The following TRPM3 variants were observed in gnomAD, a reference collection of about 807,000 sequenced individuals.
TRPM3 encodes long transient receptor potential channel 3.
In TRPM3, 77 loss-of-function variants were observed where a neutral mutation model predicts 181.2. That is an observed-to-expected ratio of 0.42 (90% confidence interval 0.35 to 0.51). TRPM3 has a LOEUF of 0.51. Ranked by LOEUF, TRPM3 falls within the 20% of genes least tolerant of loss-of-function variation. The pLI, the probability that TRPM3 is intolerant of heterozygous loss-of-function variation, is 0.01. For missense variants in TRPM3, 1,759 were observed against 2,196.7 expected (o/e 0.80, Z 3.98); for synonymous variants, 745 against 796.4 (o/e 0.94, Z 1.09).
intron 1 of TRPM3, chr9:70,917,382 T>G (rs998239189): frequency 2.1e-6 from 2 of 934,266 alleles, no homozygotes; most frequent in Non-Finnish European, 3.6e-6. Context: ...TCAACCACTC[T>G]CTTCCAAGAG....
intron 9 of TRPM3, among the ~76,000 whole-genome samples, chr9:70,661,259 C>T (rs2061094278): frequency 6.6e-6 from 1 of 151,832 alleles, no homozygotes; most frequent in East Asian, 1.9e-4. Context: ...AAAAAACCCT[C>T]AACAAAACAG....
At chr9:70,837,493 A>C (rs1337352421) in intron 5 of TRPM3, among the ~76,000 whole-genome samples, 2 of 152,216 alleles carry the variant, frequency 1.3e-5, no homozygotes, top group African/African-American at 2.4e-5. Context: ...CTCAAGTTAA[A>C]ATGGAAAGTG....
chr9:70,797,779 C>G (rs903894761), intron 6 of TRPM3, among the ~76,000 whole-genome samples: 3 of 152,176 alleles, frequency 2.0e-5, no homozygotes, highest in Non-Finnish European at 4.4e-5. Context: ...TCTGCTTCTT[C>G]TTGGCATCTG....
chr9:71,210,957 C>A (rs914738414), intron 1 of TRPM3, among the ~76,000 whole-genome samples: 1 of 152,188 alleles, frequency 6.6e-6, no homozygotes, highest in Non-Finnish European at 1.5e-5. Flanking sequence ...AGGGAACCAG[C>A]TCAATTGGAT....
At chr9:70,923,938 A>G (rs1310442825) in intron 1 of TRPM3, among the ~76,000 whole-genome samples, 1 of 143,750 alleles carries the variant, frequency 7.0e-6, no homozygotes, top group Non-Finnish European at 1.5e-5. Flanking sequence ...ACATATATAC[A>G]TATATATATA....
At position 70,616,492 on chromosome 9, in the gene TRPM3, C is replaced by T. The variant is rs114672317; in HGVS notation, c.2359-417G>A. The stretch of plus-strand genomic sequence containing the variant: ...CTTGATTTTGACTGTGAAATCAATT[C>T]ATACATCTGTCCACTGGCATTTTTT... On this transcript the variant is annotated intron_variant, in intron 17 of 25. Transcript: ENST00000677713. Among the ~76,000 whole-genome samples, 1,103 of 136,092 alleles carry T rather than the reference C, an allele frequency of 8.1e-3. 12 individuals are homozygous for T. The highest frequency in any genetic ancestry group is 0.029 in the African/African-American group (1,048 of 36,536). The allele number at this position is 136,092 out of a possible 152,430, so 89.3% of individuals were successfully genotyped here.
chr9:70,551,863 G>C (rs1289426852), intron 24 of TRPM3, among the ~76,000 whole-genome samples: 1 of 152,196 alleles, frequency 6.6e-6, no homozygotes, highest in African/African-American at 2.4e-5. Context: ...TTGTGTTTCA[G>C]ATGGAAGCAG....
At chr9:70,633,607 T>G (rs11142521) in intron 12 of TRPM3, among the ~76,000 whole-genome samples, 42,723 of 152,060 alleles carry the variant, frequency 0.28, 6,600 homozygotes, top group East Asian at 0.63. Context: ...AGATTTTGAT[T>G]TTCTGTGTGT....
intron 1 of TRPM3, among the ~76,000 whole-genome samples, chr9:70,959,842 A>G (rs2097119780): frequency 6.6e-6 from 1 of 152,188 alleles, no homozygotes; most frequent in South Asian, 2.1e-4. Flanking sequence ...CCATTTCACA[A>G]AACACACACT....
intron 1 of TRPM3, among the ~76,000 whole-genome samples, chr9:71,160,657 C>T (rs144689695): frequency 6.6e-6 from 1 of 152,284 alleles, no homozygotes; most frequent in East Asian, 1.9e-4. Flanking sequence ...GTGAGGCCTT[C>T]CTAGATTCCA....
At chr9:71,242,138 A>C (rs2081738095) in intron 1 of TRPM3, among the ~76,000 whole-genome samples, 1 of 152,220 alleles carries the variant, frequency 6.6e-6, no homozygotes, top group African/African-American at 2.4e-5. Context: ...TTTTAGCCAT[A>C]AGCTTCCATT....
chr9:70,670,083 G>A (rs1719842508), intron 9 of TRPM3, among the ~76,000 whole-genome samples: 1 of 152,164 alleles, frequency 6.6e-6, no homozygotes, highest in South Asian at 2.1e-4. Flanking sequence ...GAGTGGTGGT[G>A]GTGGTGGGGT....
At chr9:71,189,211 A>T (rs780249075) in intron 1 of TRPM3, among the ~76,000 whole-genome samples, 5 of 151,818 alleles carry the variant, frequency 3.3e-5, no homozygotes, top group Non-Finnish European at 7.4e-5. Context: ...AAAGAAAAAG[A>T]CTTCTCCAAA....
chr9:71,126,609 C>A (rs1311930376), upstream of TRPM3, among the ~76,000 whole-genome samples: 3 of 152,050 alleles, frequency 2.0e-5, no homozygotes, highest in Non-Finnish European at 4.4e-5. Flanking sequence ...GGTATATTTC[C>A]CCTTTTGCCA....
At position 70,616,696 on chromosome 9, in the gene TRPM3, T is replaced by TAC. The variant is rs372225185; in HGVS notation, c.2359-623_2359-622dup. Among the ~76,000 whole-genome samples, 282 of 151,204 alleles carry TAC rather than the reference T, an allele frequency of 1.9e-3. 1 individual carries two copies. The highest frequency in any genetic ancestry group is 6.2e-3 in the African/African-American group (256 of 41,196). On this transcript the variant is annotated intron_variant, in intron 17 of 25. Transcript: ENST00000677713. The stretch of plus-strand genomic sequence containing the variant: ...AGAACAGCAGAAACACAAACACACA[T>TAC]ACACACACACACACCCCCCAGTGGG...
intron 1 of TRPM3, among the ~76,000 whole-genome samples, chr9:71,413,530 A>G (rs1193845860): frequency 6.6e-6 from 1 of 152,070 alleles, no homozygotes; most frequent in Non-Finnish European, 1.5e-5. Flanking sequence ...TAGTTTCTTT[A>G]TATTTGTTCA....
intron 6 of TRPM3, among the ~76,000 whole-genome samples, chr9:70,785,724 A>G (rs1211450691): frequency 2.0e-5 from 3 of 152,214 alleles, no homozygotes; most frequent in Non-Finnish European, 4.4e-5. Flanking sequence ...CTTCTAAAGC[A>G]TAAATACTTT....
At chr9:71,379,972 AG>A (rs2092760484) in intron 1 of TRPM3, among the ~76,000 whole-genome samples, 1 of 151,966 alleles carries the variant, frequency 6.6e-6, no homozygotes, top group Non-Finnish European at 1.5e-5. Context: ...CCATGTGTTC[AG>A]TCCCTAGTTT....
intron 1 of TRPM3, among the ~76,000 whole-genome samples, chr9:71,021,796 T>A (rs1388066580): frequency 6.6e-6 from 1 of 152,094 alleles, no homozygotes; most frequent in Non-Finnish European, 1.5e-5. Flanking sequence ...AAATCACAGT[T>A]TAACCAGAGG....
Sources: allele counts gnomAD v4.1 joint callset (sites outside exome capture counted in the v4.1 genomes callset), GRCh38; gene constraint gnomAD v4.1.1; transcripts MANE v1.5; gene names NCBI Gene and HGNC (gene_info 2026-07-23, HGNC 2026-07-21).